Variants in HR observed in about 807,000 individuals in gnomAD.
HR encodes lysine-specific demethylase hairless.
HR carries 83 observed loss-of-function variants against 128.6 expected under a neutral mutation model. The ratio of observed to expected loss-of-function variants is 0.65; its 90% confidence interval spans 0.54 to 0.77. The LOEUF is 0.77. HR is among the 30% of genes least tolerant of loss of function. HR has a pLI of 0.00. For missense variants in HR, 1,490 were observed against 1,574.6 expected, an observed-to-expected ratio of 0.95 and a Z score of 0.91; for synonymous variants, 681 against 658.2, an observed-to-expected ratio of 1.03 and a Z score of -0.53.
chr8:22,121,176 G>A lies in HR; in HGVS notation c.2256C>T (p.Pro752=), dbSNP rs1285948845. ...GTTCGCAGAGAGAAGGACAAGGCAG[G>A]GGCCCTCGGCCAGCACGGTCCTCTG... ...TPAEDRAGRG[P]LPCPSLCELL... Residue 752 remains proline, a synonymous_variant, in exon 10 of 19, where the codon CCC becomes CCT. Coordinates refer to ENST00000381418, the MANE Select transcript of HR (RefSeq NM_005144.5). The A allele has an allele frequency of 3.7e-6, 6 of 1,613,982 alleles. No individual in the cohort carries two copies. The South Asian group carries it at 6.6e-5, about 18-fold the overall frequency.
chr8:22,115,935 G>A (rs1309167456), intron 18 of HR, among the ~76,000 whole-genome samples, 173 bp from the exon 19 acceptor site: 10 of 151,960 alleles, frequency 6.6e-5, no homozygotes, highest in East Asian at 1.9e-4. Context: ...GTTCAAGACC[G>A]GTCTGGCCAA....
intron 5 of HR, among the ~76,000 whole-genome samples, 161 bp from the exon 6 acceptor site, chr8:22,123,974 C>G (rs1205914604): frequency 1.3e-5 from 2 of 152,102 alleles, no homozygotes; most frequent in Non-Finnish European, 2.9e-5. Flanking sequence ...ACAGCTACCC[C>G]CTGCTTACTC....
In HR at chr8:22,118,934, C is replaced by T; in HGVS notation, c.3213+16G>A. 1.2e-6 allele frequency: 2 copies of T among 1,606,902 alleles called. No individual in the cohort carries two copies. Among genetic ancestry groups the T allele is most frequent in the South Asian group, 2.2e-5 (2 of 90,926 alleles). ...CTGGGCGGGGGGAAGGGGAGGGCTCCCGGCTGCCTCCTCACCATCTGGAGA... is the reference window on the plus strand; with the variant it reads ...CTGGGCGGGGGGAAGGGGAGGGCTCTCGGCTGCCTCCTCACCATCTGGAGA... On this transcript the variant is annotated intron_variant, in intron 16 of 18. Transcript: ENST00000381418.
In HR at chr8:22,116,735, A is replaced by T. The variant is rs905466972; in HGVS notation, c.3378+140T>A. The T allele has an allele frequency of 8.0e-6, 10 of 1,247,984 alleles. No homozygotes were observed. Among genetic ancestry groups the T allele is most frequent in the African/African-American group, 1.5e-5 (1 of 67,414 alleles). The allele number at this position is 1,247,984 out of a possible 1,614,324, so 77.3% of individuals were successfully genotyped here. A position where few individuals can be genotyped will look rare whatever the true frequency, so the allele number is the denominator to read the frequency against. Reference sequence around the variant, plus strand: ...TTCAAGGCCTCTTGGCTCCCCCGTTATCTCTTCCCCACAGCAGCGTGCGGC... The same window carrying T: ...TTCAAGGCCTCTTGGCTCCCCCGTTTTCTCTTCCCCACAGCAGCGTGCGGC... On this transcript the variant is annotated intron_variant, in intron 17 of 18. Transcript: ENST00000381418. This position sits in a 1 kb window ranked among gnomAD's most constrained non-coding sequence, Gnocchi z 4.2.
chr8:22,127,569 G>T lies in HR; in HGVS notation c.873C>A (p.Gly291=). 1 of 1,612,882 alleles carries T rather than the reference G, an allele frequency of 6.2e-7. No homozygotes were observed. Residue 291 remains glycine (G), a synonymous_variant, in exon 3 of 19, where the codon GGC becomes GGA. Coordinates refer to ENST00000381418, the MANE Select transcript of HR (RefSeq NM_005144.5). ...CATCGCCTGGCCCAGCCCAGACGTT[G>T]CCAAGAGTATGAACAAGGCCTGGGG... ...ACPPGLVHTL[G]NVWAGPGDGN... is the part of the protein sequence containing the mutation.
chr8:22,127,878 G>C (rs1479979307), intron 2 of HR, 49 bp from the exon 3 acceptor site: 1 of 1,542,690 alleles, frequency 6.5e-7, no homozygotes, highest in Non-Finnish European at 8.9e-7. Context: ...GGCTCCCCAT[G>C]CCTAAATGGA....
intron 3 of HR, among the ~76,000 whole-genome samples, chr8:22,126,163 A>G (rs909598236): frequency 7.2e-5 from 11 of 152,254 alleles, no homozygotes; most frequent in African/African-American, 2.2e-4. Flanking sequence ...GTTTCGACAC[A>G]GGCCACAGGT....
chr8:22,119,058 A>G lies in HR; in HGVS notation c.3105T>C (p.Leu1035=). Residue 1035 remains leucine, a synonymous_variant, in exon 16 of 19, where the codon CTT becomes CTC. Coordinates refer to ENST00000381418, the MANE Select transcript of HR (RefSeq NM_005144.5). Reference sequence around the variant, plus strand: ...AGAGCCCCTCCCCGTCCAGGCCTGAAAGGAAGTCTGAGGAGGAAAGAGCGC... The same window carrying G: ...AGAGCCCCTCCCCGTCCAGGCCTGAGAGGAAGTCTGAGGAGGAAAGAGCGC... ...PAWHRAQKDF[L]SGLDGEGLWS... is the part of the protein sequence containing the mutation. 1 of 1,613,378 alleles carries G rather than the reference A, an allele frequency of 6.2e-7. No homozygotes were observed. Among genetic ancestry groups the G allele is most frequent in the Non-Finnish European group, 8.5e-7 (1 of 1,179,864 alleles).
At chr8:22,120,532 A>C (rs924047060) in intron 11 of HR, 25 bp from the exon 12 acceptor site, 1 of 1,612,766 alleles carries the variant, frequency 6.2e-7, no homozygotes, top group African/African-American at 1.3e-5. Flanking sequence ...GAAGGAGGCC[A>C]TGAGGAGAAT....
At position 22,116,634 on chromosome 8, in the gene HR, T is replaced by C. The variant is rs574345756; in HGVS notation, c.3379-206A>G. The stretch of plus-strand genomic sequence containing the variant: ...TGCTGGAGAGACCCTAAAGTCTCCC[T>C]GCGAGCCCCCTGACATCAGCATGCC... On this transcript the variant is annotated intron_variant, in intron 17 of 18. Transcript: ENST00000381418. The surrounding 1 kb of genome is among the most constrained non-coding windows in gnomAD (Gnocchi z 4.2). 2.0e-5 allele frequency among the ~76,000 whole-genome samples: 3 copies of C among 151,804 alleles called. No homozygotes were observed. Among genetic ancestry groups the C allele is most frequent in the South Asian group, 4.2e-4 (2 of 4,798 alleles).
chr8:22,124,334 A>G (rs1174172280), intron 5 of HR, among the ~76,000 whole-genome samples: 1 of 152,100 alleles, frequency 6.6e-6, no homozygotes, highest in East Asian at 1.9e-4. Context: ...GACTCAAGTG[A>G]TCCTCCCACC....
chr8:22,130,123 G>T (rs1827012262), intron 1 of HR, among the ~76,000 whole-genome samples: 1 of 152,240 alleles, frequency 6.6e-6, no homozygotes, highest in Admixed American at 6.5e-5. Context: ...AAAATTGAAC[G>T]TGCGTGCAAG....
At chr8:22,118,692 C>A in intron 16 of HR, 1 of 562,100 alleles carries the variant, frequency 1.8e-6, no homozygotes, top group Admixed American at 3.1e-5. Flanking sequence ...CCACGTCCAG[C>A]CTCGGGCAGC....
At position 22,125,420 on chromosome 8, in the gene HR, G is replaced by C. The variant is rs1826860658; in HGVS notation, c.1641C>G (p.Asp547Glu). 3 of 1,613,016 alleles carry C rather than the reference G, an allele frequency of 1.9e-6. No homozygotes were observed. Among genetic ancestry groups the C allele is most frequent in the African/African-American group, 1.3e-5 (1 of 75,074 alleles). The change falls in exon 5 of 19, where the codon GAC becomes GAG. Residue 547 changes from aspartate to glutamate, a missense_variant. Physicochemically the swap from Asp to Glu is conservative, Grantham distance 45 (BLOSUM62 2). Around this residue, in one of 3 missense-constraint regions of HR, gnomAD observed 1,060 missense variants for 1,060.9 expected, o/e 1.00. Coordinates refer to ENST00000381418, the MANE Select transcript of HR (RefSeq NM_005144.5). ...SSEEGPGSGPDSRLSTGLAKH... is the reference protein window; with the variant it reads ...SSEEGPGSGPESRLSTGLAKH... ...TGGCGAGGCCTGTGCTGAGCCGGCT[G>C]TCAGGGCCGGACCCTGGGCCTTCCT...
chr8:22,122,612 G>A lies in HR; in HGVS notation c.2006-4C>T, dbSNP rs886062808. 33 of 1,602,180 alleles carry A rather than the reference G, an allele frequency of 2.1e-5. No homozygotes were observed. The highest frequency in any genetic ancestry group is 2.6e-5 in the Non-Finnish European group (30 of 1,172,838). On this transcript the variant is annotated splice_region_variant and splice_polypyrimidine_tract_variant and intron_variant, in intron 7 of 18. Transcript: ENST00000381418. The stretch of plus-strand genomic sequence containing the variant: ...GCAGTGCTCAGCTCTGCCAAAGCTG[G>A]GGGTGGGGGTGGGCAGGAGAGGGAG...
rs767205010 is a variant in HR, at chr8:22,128,768, G to C, written c.403C>G (p.Pro135Ala). 2.5e-6 allele frequency: 4 copies of C among 1,608,342 alleles called. No homozygotes were observed. In the South Asian group the frequency reaches 3.3e-5, roughly 13 times the overall value. ...EHSGGHLKSD[P>A]VAFRPWHCPF... ...CAGTGCCAGGGCCGGAAGGCCACAG[G>C]GTCACTCTTGAGATGGCCACCACTA... Residue 135 changes from proline (P) to alanine (A), a missense_variant, in exon 2 of 19, where the codon CCT (proline) becomes GCT (alanine). Physicochemically the swap from Pro to Ala is conservative, Grantham distance 27. This residue lies in a region of HR where 1,060 missense variants were observed against 1,060.9 expected (regional missense o/e 1.00). Coordinates refer to ENST00000381418, the MANE Select transcript of HR (RefSeq NM_005144.5).
At position 22,116,451 on chromosome 8, in the gene HR, G is replaced by A. The variant is rs772848696; in HGVS notation, c.3379-23C>T. 2.0e-5 allele frequency: 33 copies of A among 1,612,292 alleles called. No homozygotes were observed. Among genetic ancestry groups the A allele is most frequent in the South Asian group, 1.7e-4 (15 of 90,724 alleles). ...CACCTGTGTCGGGGGGACATGGACA[G>A]TGAGGCTCAAGATCACACATCCTCT... On this transcript the variant is annotated intron_variant, in intron 17 of 18. Transcript: ENST00000381418. The surrounding 1 kb of genome is among the most constrained non-coding windows in gnomAD (Gnocchi z 4.2).
At chr8:22,123,617 T>TTGGGCCC in intron 6 of HR, 32 bp downstream of exon 6, 9 of 292,086 alleles carry the variant, frequency 3.1e-5, no homozygotes, top group Admixed American at 5.0e-5. Context: ...GAGGGCTCCA[T>TTGGGCCC]CCCGCCCTCC....
rs1377905524 is a variant in HR, at chr8:22,128,997, G to A, written c.174C>T (p.Asp58=). The A allele has an allele frequency of 1.9e-6, 3 of 1,613,000 alleles. No individual in the cohort carries two copies. The highest frequency in any genetic ancestry group is 1.1e-5 in the South Asian group (1 of 91,078). The change falls in exon 2 of 19, where the codon GAC becomes GAT. Residue 58 remains aspartate, a synonymous_variant. Coordinates refer to ENST00000381418, the MANE Select transcript of HR (RefSeq NM_005144.5). ...GGGGGAAGCCAGGGGGAAGCCAGGAGTCTGGGGTGCTCAGGACGCCCCTCC... is the reference window on the plus strand; with the variant it reads ...GGGGGAAGCCAGGGGGAAGCCAGGAATCTGGGGTGCTCAGGACGCCCCTCC... ...PFWRGVLSTP[D]SWLPPGFPQG...
Sources: gnomAD v4.1 joint callset for allele counts (sites outside exome capture counted in the v4.1 genomes callset) on GRCh38, gnomAD v4.1.1 for gene constraint, gnomAD v4.1.1 regional missense constraint, Gnocchi (gnomAD v3.1) non-coding constraint, MANE v1.5 for transcripts, NCBI Gene and HGNC (gene_info 2026-07-23, HGNC 2026-07-21) for gene names.